Variants in FAM184A observed in about 807,000 individuals in gnomAD.
FAM184A encodes protein FAM184A.
A neutral mutation model predicts 143.8 loss-of-function variants in FAM184A; 99 were observed. The observed-to-expected ratio is 0.69, with a 90% CI of 0.58 to 0.81. FAM184A has a LOEUF of 0.81. Ranked by LOEUF, FAM184A falls within the 40% of genes least tolerant of loss-of-function variation. The probability of loss-of-function intolerance (pLI) is 0.00; values close to 1 mark genes in which losing one functional copy is unlikely to be tolerated. For synonymous variants in FAM184A, 427 were observed against 446.4 expected, an observed-to-expected ratio of 0.96 and a Z score of 0.55; for missense variants, 1,217 against 1,310.5, an observed-to-expected ratio of 0.93 and a Z score of 1.10.
chr6:119,022,936 C>T lies in FAM184A; in HGVS notation c.1150+9G>A, dbSNP rs757677972. ...TAAGCATTACATCAAAAACTGTGGTCACACATACTAGCTTTGAGGACAAGA... is the reference window on the plus strand; with the variant it reads ...TAAGCATTACATCAAAAACTGTGGTTACACATACTAGCTTTGAGGACAAGA... On this transcript the variant is annotated intron_variant, in intron 3 of 17. Transcript: ENST00000338891. 11 of 1,613,670 alleles carry T rather than the reference C, an allele frequency of 6.8e-6. No individual in the cohort carries two copies. Among genetic ancestry groups the T allele is most frequent in the Non-Finnish European group, 5.9e-6 (7 of 1,179,876 alleles).
At chr6:119,043,152 C>T (rs1177787778) in intron 1 of FAM184A, among the ~76,000 whole-genome samples, 1 of 152,128 alleles carries the variant, frequency 6.6e-6, no homozygotes, top group East Asian at 1.9e-4. Flanking sequence ...TACCTAATGA[C>T]TATGAAATAA....
intron 7 of FAM184A, among the ~76,000 whole-genome samples, chr6:119,004,158 A>G (rs1300360624): frequency 6.6e-6 from 1 of 152,254 alleles, no homozygotes; most frequent in African/African-American, 2.4e-5. Context: ...ATATATACAC[A>G]ATTCCTGTAG....
rs1210977495 is a variant in FAM184A at position 119,143,139 on chromosome 6, G to A, written c.-202+5939C>T. Among the ~76,000 whole-genome samples, 3 of 152,110 alleles carry A rather than the reference G, an allele frequency of 2.0e-5. No individual in the cohort carries two copies. In the South Asian group the frequency reaches 6.2e-4, roughly 32 times the overall value. On this transcript the variant is annotated intron_variant, in intron 1 of 16. Coordinates refer to the FAM184A transcript ENST00000352896. ...AAGAATACGTTTGTGTTGTTTTAAG[G>A]TACCCTGTTTTTGGTACTTTGTTGA...
intron 11 of FAM184A, among the ~76,000 whole-genome samples, chr6:118,976,673 A>G (rs1368876410): frequency 1.3e-5 from 2 of 152,070 alleles, no homozygotes; most frequent in Non-Finnish European, 2.9e-5. Flanking sequence ...CAAAAAAAAA[A>G]AAAAGAATGA....
At chr6:119,000,175 TA>T (rs1431353825) in intron 9 of FAM184A, among the ~76,000 whole-genome samples, 1 of 152,098 alleles carries the variant, frequency 6.6e-6, no homozygotes, top group Non-Finnish European at 1.5e-5. Context: ...GGACCCAAAA[TA>T]AAATCTGCCT....
Position 119,028,584 on chromosome 6 carries a change from C to G in FAM184A, c.160-3771G>C, listed in dbSNP as rs1005732063. 3.9e-5 allele frequency among the ~76,000 whole-genome samples: 6 copies of G among 152,240 alleles called. No homozygotes were observed. The East Asian group carries it at 7.7e-4, about 20-fold the overall frequency. ...CCAGATTTCTGAACACGTGGAGGTG[C>G]TGGGAGGGTGGCATGCCTGGAAAAT... is the stretch of plus-strand genomic sequence containing the variant. On this transcript the variant is annotated intron_variant, in intron 1 of 17. Transcript: ENST00000338891.
At chr6:119,006,321 T>TA in intron 7 of FAM184A, 126 bp downstream of exon 7, 1 of 929,998 alleles carries the variant, frequency 1.1e-6, no homozygotes, top group Non-Finnish European at 1.7e-6. Flanking sequence ...AGTACTTTGT[T>TA]ATGGTAGTTC....
intron 1 of FAM184A, among the ~76,000 whole-genome samples, chr6:119,068,742 C>T (rs376327005): frequency 5.9e-5 from 9 of 152,226 alleles, no homozygotes; most frequent in Admixed American, 6.5e-5. Context: ...GTTTCCAAGA[C>T]TGAAATTTCC....
rs1354010334 is a variant in FAM184A at position 119,078,479 on chromosome 6, G to T, written c.-180C>A. ...CCCCCGGGTCACCCCTGGAAGGGAC[G>T]GGGCGGTCCCGCCGGCCCGAAGCCG... On this transcript the variant is annotated 5_prime_UTR_variant, in exon 1 of 18. Transcript: ENST00000338891. The surrounding 1 kb of genome is among the most constrained non-coding windows in gnomAD (Gnocchi z 5.5). 2.0e-6 allele frequency: 1 copy of T among 503,158 alleles called. No individual in the cohort carries two copies. Among genetic ancestry groups the T allele is most frequent in the Non-Finnish European group, 3.1e-6 (1 of 321,278 alleles). The allele number at this position is 503,158 out of a possible 1,614,324, so 31.2% of individuals were successfully genotyped here.
At chr6:119,041,590 C>G (rs562046049) in intron 1 of FAM184A, among the ~76,000 whole-genome samples, 113 of 152,280 alleles carry the variant, frequency 7.4e-4, no homozygotes, top group African/African-American at 2.7e-3. Context: ...TGTTTTCACT[C>G]TATTAAATCT....
intron 1 of FAM184A, among the ~76,000 whole-genome samples, chr6:119,054,621 G>GA (rs1330794279): frequency 6.6e-6 from 1 of 152,114 alleles, no homozygotes; most frequent in Non-Finnish European, 1.5e-5. Flanking sequence ...ATTTAGACAA[G>GA]AGCAAGAATT....
chr6:119,003,712 T>G, intron 7 of FAM184A, 90 bp from the exon 8 acceptor site: 1 of 1,277,896 alleles, frequency 7.8e-7, no homozygotes, highest in Non-Finnish European at 1.0e-6. Context: ...GTATTAAAAC[T>G]TTTAATTTTA....
intron 11 of FAM184A, 139 bp downstream of exon 11, chr6:118,979,226 A>T: frequency 1.3e-6 from 1 of 773,828 alleles, no homozygotes; most frequent in Non-Finnish European, 2.0e-6. Flanking sequence ...GGTAACTTCA[A>T]ATAAAATATG....
chr6:119,009,821 G>C (rs1785036611), intron 6 of FAM184A, among the ~76,000 whole-genome samples: 1 of 152,158 alleles, frequency 6.6e-6, no homozygotes, highest in African/African-American at 2.4e-5. Context: ...ACCGCAGTGT[G>C]TAACAGTGCT....
chr6:118,979,656 A>C, intron 10 of FAM184A, 138 bp from the exon 11 acceptor site: 1 of 655,952 alleles, frequency 1.5e-6, no homozygotes, highest in Non-Finnish European at 2.5e-6. Flanking sequence ...AAAACTAGAC[A>C]TAAGATAATC....
At chr6:119,073,083 T>C (rs982876957) in intron 1 of FAM184A, among the ~76,000 whole-genome samples, 2 of 152,180 alleles carry the variant, frequency 1.3e-5, no homozygotes, top group African/African-American at 2.4e-5. Context: ...ACAAAGTATA[T>C]TTATAAACAC....
intron 1 of FAM184A, among the ~76,000 whole-genome samples, chr6:119,120,489 A>G (rs1789181902): frequency 6.6e-6 from 1 of 152,282 alleles, no homozygotes; most frequent in Admixed American, 6.5e-5. Context: ...GTGTGGACAA[A>G]TGTTTTCGGT....
chr6:119,110,150 T>C (rs577220235), intron 1 of FAM184A, among the ~76,000 whole-genome samples: 1 of 152,214 alleles, frequency 6.6e-6, no homozygotes, highest in African/African-American at 2.4e-5. Context: ...TACAGATGGG[T>C]AGCCCAGGGA....
upstream of FAM184A, among the ~76,000 whole-genome samples, chr6:119,080,515 A>T (rs12195400): frequency 0.13 from 19,698 of 152,242 alleles, 1,711 homozygotes; most frequent in African/African-American, 0.23. Flanking sequence ...ATAAAACAAG[A>T]CACAATTAAA....
Sources: allele counts gnomAD v4.1 joint callset (sites outside exome capture counted in the v4.1 genomes callset), GRCh38; gene constraint gnomAD v4.1.1; non-coding constraint Gnocchi (gnomAD v3.1); transcripts MANE v1.5; gene names NCBI Gene and HGNC (gene_info 2026-07-23, HGNC 2026-07-21).